Variants in NTM observed in about 807,000 individuals in gnomAD.
NTM encodes neurotrimin.
A neutral mutation model predicts 42.1 loss-of-function variants in NTM; 13 were observed. The observed-to-expected ratio is 0.31, with a 90% confidence interval of 0.20 to 0.49. The LOEUF is 0.49. Ranked by LOEUF, NTM falls within the 20% of genes least tolerant of loss-of-function variation. The probability of loss-of-function intolerance (pLI) is 0.99; values close to 1 mark genes in which losing one functional copy is unlikely to be tolerated. For missense variants in NTM, 373 were observed against 452.8 expected (o/e 0.82, Z 1.60); for synonymous variants, 187 against 179.2 (o/e 1.04, Z -0.35).
intron 2 of NTM, among the ~76,000 whole-genome samples, chr11:132,116,173 G>C (rs1346523157): frequency 6.6e-6 from 1 of 152,194 alleles, no homozygotes; most frequent in Non-Finnish European, 1.5e-5. Context: ...AGAGGGTGAG[G>C]CAACCAAGGG....
chr11:132,086,024 A>T (rs1356468674), intron 2 of NTM, among the ~76,000 whole-genome samples: 3 of 152,160 alleles, frequency 2.0e-5, no homozygotes, highest in Non-Finnish European at 4.4e-5. Flanking sequence ...TCATACATGC[A>T]TTAAGAGTGG....
intron 5 of NTM, among the ~76,000 whole-genome samples, chr11:132,309,075 G>A (rs544951984): frequency 6.6e-6 from 1 of 152,322 alleles, no homozygotes; most frequent in African/African-American, 2.4e-5. Flanking sequence ...GCTTTTCGTG[G>A]TACTGAGACC....
intron 1 of NTM, among the ~76,000 whole-genome samples, chr11:131,554,590 A>G (rs2055149847): frequency 6.6e-6 from 1 of 151,410 alleles, no homozygotes; most frequent in Non-Finnish European, 1.5e-5. Context: ...ATAGAATGCT[A>G]TTTCTTAGCA....
intron 1 of NTM, chr11:131,539,657 C>A (rs528442089): frequency 2.6e-5 from 4 of 152,472 alleles, no homozygotes; most frequent in Admixed American, 1.3e-4. Flanking sequence ...GGCCAGAGAG[C>A]TCTCCAGGCA....
intron 1 of NTM, among the ~76,000 whole-genome samples, chr11:131,762,170 C>G (rs747629947): frequency 6.6e-6 from 1 of 152,358 alleles, no homozygotes; most frequent in Non-Finnish European, 1.5e-5. Flanking sequence ...AGCACCCTAG[C>G]GCCTCAGGAG....
intron 4 of NTM, among the ~76,000 whole-genome samples, chr11:132,269,651 A>T (rs752678923): frequency 6.6e-6 from 1 of 152,230 alleles, no homozygotes; most frequent in Admixed American, 6.5e-5. Context: ...TTCTGACTTC[A>T]ATTCAGTGTT....
chr11:131,869,098 C>G (rs1323363359), intron 1 of NTM, among the ~76,000 whole-genome samples: 1 of 98,092 alleles, frequency 1.0e-5, no homozygotes, highest in African/African-American at 2.9e-5. Context: ...ACCCCCCAGC[C>G]CCCCGCAATG....
At chr11:132,084,180 T>C (rs1464047221) in intron 2 of NTM, among the ~76,000 whole-genome samples, 1 of 152,100 alleles carries the variant, frequency 6.6e-6, no homozygotes, top group Non-Finnish European at 1.5e-5. Context: ...TAGCTGATTA[T>C]AAACCATCTT....
intron 2 of NTM, among the ~76,000 whole-genome samples, chr11:132,115,232 G>C (rs1475896434): frequency 2.0e-5 from 3 of 152,104 alleles, no homozygotes; most frequent in African/African-American, 7.2e-5. Context: ...CGAACAGCTT[G>C]GTGACTGCAG....
chr11:132,233,187 C>T (rs1015283276), intron 4 of NTM, among the ~76,000 whole-genome samples: 6 of 151,342 alleles, frequency 4.0e-5, no homozygotes, highest in South Asian at 4.2e-4. Flanking sequence ...GAGGCCAAGG[C>T]AGGCAGATCA....
intron 1 of NTM, among the ~76,000 whole-genome samples, chr11:131,513,437 G>GA (rs958584302): frequency 6.6e-6 from 1 of 150,652 alleles, no homozygotes; most frequent in Non-Finnish European, 1.5e-5. Flanking sequence ...ACCAAAGACA[G>GA]AAAAAAAAAG....
At chr11:131,730,379 C>T (rs1371334995) in intron 1 of NTM, among the ~76,000 whole-genome samples, 1 of 152,112 alleles carries the variant, frequency 6.6e-6, no homozygotes, top group Non-Finnish European at 1.5e-5. Flanking sequence ...TAGTAGTGAA[C>T]ATGCAGATGG....
chr11:132,318,537 G>T (rs906150072), intron 7 of NTM, among the ~76,000 whole-genome samples: 1 of 152,072 alleles, frequency 6.6e-6, no homozygotes, highest in African/African-American at 2.4e-5. Context: ...CGCGTCTCTT[G>T]CCTGTCTTTG....
intron 7 of NTM, chr11:132,314,987 G>C (rs573305944): frequency 1.7e-6 from 2 of 1,165,886 alleles, no homozygotes; most frequent in African/African-American, 3.7e-5. Context: ...AGTGGGAAAA[G>C]GAAAATGAAA....
At chr11:131,609,122 C>T (rs895172422) in intron 1 of NTM, among the ~76,000 whole-genome samples, 6 of 152,296 alleles carry the variant, frequency 3.9e-5, no homozygotes, top group South Asian at 2.1e-4. Context: ...CTCTGAACCT[C>T]GGGAGGCTGA....
At chr11:131,601,578 C>A (rs2060490100) in intron 1 of NTM, among the ~76,000 whole-genome samples, 1 of 151,798 alleles carries the variant, frequency 6.6e-6, no homozygotes, top group South Asian at 2.1e-4. Context: ...CTCAAACCCC[C>A]TTCCCTCTCC....
chr11:132,317,329 G>T (rs930289720), intron 7 of NTM, among the ~76,000 whole-genome samples: 1 of 148,534 alleles, frequency 6.7e-6, no homozygotes, highest in South Asian at 2.1e-4. Context: ...CATCTGGAAG[G>T]AAACTTTAGT....
At chr11:132,091,169 T>G (rs1370817071) in intron 2 of NTM, among the ~76,000 whole-genome samples, 1 of 152,216 alleles carries the variant, frequency 6.6e-6, no homozygotes, top group East Asian at 1.9e-4. Flanking sequence ...GTAGGAAGAT[T>G]GCTTGAGCCT....
chr11:131,876,181 C>A (rs1251601902), intron 1 of NTM, among the ~76,000 whole-genome samples: 1 of 152,178 alleles, frequency 6.6e-6, no homozygotes, highest in East Asian at 1.9e-4. Context: ...AGAGGCTAAT[C>A]AACAGTGTGC....
Sources: allele counts gnomAD v4.1 joint callset (sites outside exome capture counted in the v4.1 genomes callset), GRCh38; gene constraint gnomAD v4.1.1; transcripts MANE v1.5; gene names NCBI Gene and HGNC (gene_info 2026-07-23, HGNC 2026-07-21).